MYCBP2: variants seen among roughly 807,000 people sequenced by gnomAD.
MYCBP2 encodes the protein MYC binding protein 2.
A neutral mutation model predicts 525.3 loss-of-function variants in MYCBP2; 120 were observed. The observed-to-expected ratio is 0.23, with a 90% CI of 0.20 to 0.27. MYCBP2 has a LOEUF of 0.27. MYCBP2 is among the 10% of genes least tolerant of loss of function. MYCBP2 has a pLI of 1.00. For missense variants in MYCBP2, 4,149 were observed against 5,657.1 expected, an observed-to-expected ratio of 0.73 and a Z score of 8.55; for synonymous variants, 1,894 against 1,955.8, an observed-to-expected ratio of 0.97 and a Z score of 0.83.
At chr13:77,160,961 T>C (rs946593103) in intron 44 of MYCBP2, among the ~76,000 whole-genome samples, 1 of 152,150 alleles carries the variant, frequency 6.6e-6, no homozygotes, top group African/African-American at 2.4e-5. Context: ...TTTTGGAAAA[T>C]TTTACAAATC....
In MYCBP2 at chr13:77,205,249, A is replaced by G; in HGVS notation, c.3843+7T>C. ...CAAAAAAGGACAACATTGTTGATGA[A>G]CTTTACCTTAATTTTAGCAGTATAT... On this transcript the variant is annotated splice_region_variant and intron_variant, in intron 26 of 82. Coordinates refer to ENST00000544440, the MANE Select transcript of MYCBP2 (RefSeq NM_015057.5). The G allele has an allele frequency of 6.3e-7, 1 of 1,576,950 alleles. No homozygotes were observed. The highest frequency in any genetic ancestry group is 1.7e-4 in the Middle Eastern group (1 of 5,930).
chr13:77,291,843 GA>G (rs1055438268), intron 2 of MYCBP2, among the ~76,000 whole-genome samples: 27 of 151,914 alleles, frequency 1.8e-4, no homozygotes, highest in Admixed American at 1.4e-3. Flanking sequence ...CTGCAGGCAT[GA>G]TTGCTTACTC....
chr13:77,319,674 A>G (rs1246350888), intron 1 of MYCBP2, among the ~76,000 whole-genome samples: 1 of 152,162 alleles, frequency 6.6e-6, no homozygotes, highest in African/African-American at 2.4e-5. Context: ...TAGTGCACTC[A>G]CCAGTGCATT....
intron 1 of MYCBP2, among the ~76,000 whole-genome samples, chr13:77,301,790 C>T (rs973886489): frequency 5.9e-5 from 9 of 152,014 alleles, no homozygotes; most frequent in Non-Finnish European, 8.8e-5. Context: ...AGGCAAGTAC[C>T]TGAGATGCAG....
intron 30 of MYCBP2, 93 bp from the exon 31 acceptor site, chr13:77,186,156 C>T (rs1205770561): frequency 8.8e-6 from 8 of 910,638 alleles, no homozygotes; most frequent in Non-Finnish European, 1.2e-5. Flanking sequence ...AACTTCAAAA[C>T]TTTCTTTTGA....
At chr13:77,233,068 G>T in intron 18 of MYCBP2, 88 bp downstream of exon 18, 1 of 1,113,452 alleles carries the variant, frequency 9.0e-7, no homozygotes, top group Non-Finnish European at 1.4e-6. Context: ...AGAAGAATCA[G>T]GTTTGTGCAT....
chr13:77,191,914 T>G, intron 27 of MYCBP2, 101 bp from the exon 28 acceptor site: 1 of 1,131,758 alleles, frequency 8.8e-7, no homozygotes, highest in Non-Finnish European at 1.3e-6. Flanking sequence ...TGAAACTAAC[T>G]GTATTATAAA....
At chr13:77,099,164 G>A (rs1042563281) in intron 55 of MYCBP2, 151 bp from the exon 56 acceptor site, 2 of 1,039,506 alleles carry the variant, frequency 1.9e-6, no homozygotes, top group Non-Finnish European at 1.4e-6. Flanking sequence ...GGAAAGAAGG[G>A]GGAAATATTT....
At chr13:77,253,154 C>T (rs547428534) in intron 14 of MYCBP2, among the ~76,000 whole-genome samples, 1 of 151,888 alleles carries the variant, frequency 6.6e-6, no homozygotes, top group East Asian at 1.9e-4. Flanking sequence ...AAAGCTCCTA[C>T]AAATCAATTT....
Position 77,045,096 on chromosome 13 carries a change from A to G in MYCBP2, c.*282T>C. ...GATTCTTTTATATCAATTATCTATA[A>G]ATGTCCAATGCTTCACAGGCCAATG... On this transcript the variant is annotated 3_prime_UTR_variant, in exon 83 of 83. Coordinates refer to ENST00000544440, the MANE Select transcript of MYCBP2 (RefSeq NM_015057.5). 2.4e-6 allele frequency: 1 copy of G among 424,254 alleles called. No individual in the cohort carries two copies. Among genetic ancestry groups the G allele is most frequent in the Non-Finnish European group, 4.2e-6 (1 of 240,598 alleles). 26.3% of individuals were successfully genotyped at this position (424,254 alleles called of 1,614,324 possible).
chr13:77,146,027 A>T (rs2055482989), intron 48 of MYCBP2, 135 bp downstream of exon 48: 2 of 531,540 alleles, frequency 3.8e-6, no homozygotes, highest in Non-Finnish European at 6.6e-6. Context: ...TTATTATATG[A>T]CATCTCTATC....
intron 1 of MYCBP2, among the ~76,000 whole-genome samples, chr13:77,309,869 T>A (rs1031793100): frequency 6.6e-6 from 1 of 152,184 alleles, no homozygotes; most frequent in Non-Finnish European, 1.5e-5. Flanking sequence ...ATCTCAGTAC[T>A]TTGGGAGGTC....
chr13:77,088,786 G>A, intron 61 of MYCBP2, 46 bp downstream of exon 61: 1 of 1,511,204 alleles, frequency 6.6e-7, no homozygotes, highest in Non-Finnish European at 9.1e-7. Flanking sequence ...ATCATCACAT[G>A]ATTTGTATAA....
At chr13:77,182,238 C>A (rs2060281042) in intron 32 of MYCBP2, among the ~76,000 whole-genome samples, 2 of 152,052 alleles carry the variant, frequency 1.3e-5, no homozygotes, top group Non-Finnish European at 2.9e-5. Flanking sequence ...AAGGGAGATG[C>A]CAAAAAGGCC....
chr13:77,144,630 C>A (rs1002912564), intron 48 of MYCBP2, 70 bp from the exon 49 acceptor site: 30 of 1,004,682 alleles, frequency 3.0e-5, no homozygotes, highest in Non-Finnish European at 4.3e-5. Flanking sequence ...TACGATAGTT[C>A]AGCAAACATT....
intron 56 of MYCBP2, 66 bp from the exon 57 acceptor site, chr13:77,096,547 C>T (rs926643552): frequency 4.6e-6 from 7 of 1,506,624 alleles, no homozygotes; most frequent in Non-Finnish European, 6.3e-6. Flanking sequence ...ATCCTTATTA[C>T]TCATACATTA....
Position 77,156,141 on chromosome 13 carries a change from C to T in MYCBP2, c.6832G>A (p.Asp2278Asn). 6.2e-7 allele frequency: 1 copy of T among 1,613,978 alleles called. No homozygotes were observed. The highest frequency in any genetic ancestry group is 8.5e-7 in the Non-Finnish European group (1 of 1,179,896). Reference protein sequence around the residue: ...QKTSLILNKDDIRCGWPTTIT... With the variant: ...QKTSLILNKDNIRCGWPTTIT... ...GTGGTAGGCCAACCACAACGAATATCATCCTTATTCAGGATCAAAGATGTT... is the reference window on the plus strand; with the variant it reads ...GTGGTAGGCCAACCACAACGAATATTATCCTTATTCAGGATCAAAGATGTT... Residue 2278 changes from aspartate (D) to asparagine (N), a missense_variant, in exon 46 of 83, where the codon GAT (aspartate) becomes AAT (asparagine). Transcript: ENST00000544440.
chr13:77,154,039 G>A (rs2056896519), intron 46 of MYCBP2, among the ~76,000 whole-genome samples: 1 of 152,122 alleles, frequency 6.6e-6, no homozygotes, highest in Non-Finnish European at 1.5e-5. Flanking sequence ...CAACTTTTAT[G>A]CTTCAAATAA....
chr13:77,276,016 T>G (rs2075527026), intron 4 of MYCBP2, among the ~76,000 whole-genome samples: 1 of 152,178 alleles, frequency 6.6e-6, no homozygotes, highest in Admixed American at 6.5e-5. Context: ...GAACTCCTTC[T>G]ACTTTCCTCC....
Sources: gnomAD v4.1 joint callset for allele counts (sites outside exome capture counted in the v4.1 genomes callset) on GRCh38, gnomAD v4.1.1 for gene constraint, MANE v1.5 for transcripts, NCBI Gene and HGNC (gene_info 2026-07-23, HGNC 2026-07-21) for gene names.